Variants in CCSER1 observed in about 807,000 individuals in gnomAD.
CCSER1 encodes coiled-coil serine rich protein 1, also known as serine-rich coiled-coil domain-containing protein 1.
Under a neutral mutation model 82.0 loss-of-function variants are expected in CCSER1, and 41 were observed. That is an observed-to-expected ratio of 0.50 (90% CI 0.39 to 0.65). The LOEUF (loss-of-function observed/expected upper bound fraction) is 0.65, where lower values mean the gene tolerates loss of function less well. CCSER1 is among the 30% of genes least tolerant of loss of function. The probability of loss-of-function intolerance (pLI) is 0.00; values close to 1 mark genes in which losing one functional copy is unlikely to be tolerated. For missense variants in CCSER1, 1,119 were observed against 1,064.2 expected, an observed-to-expected ratio of 1.05 and a Z score of -0.72; for synonymous variants, 414 against 383.9, an observed-to-expected ratio of 1.08 and a Z score of -0.92.
At chr4:91,488,665 C>T (rs115077021) in intron 10 of CCSER1, among the ~76,000 whole-genome samples, 2,211 of 152,310 alleles carry the variant, frequency 0.015, 25 homozygotes, top group Non-Finnish European at 0.021. Flanking sequence ...GTGCCTGCTT[C>T]GCCTTCACCT....
intron 5 of CCSER1, among the ~76,000 whole-genome samples, chr4:90,508,174 T>C (rs1214129901): frequency 6.6e-6 from 1 of 152,080 alleles, no homozygotes; most frequent in African/African-American, 2.4e-5. Context: ...GGAAAAATTG[T>C]ACTGAAAATT....
chr4:90,351,170 G>A (rs151012824), intron 3 of CCSER1, among the ~76,000 whole-genome samples: 1 of 152,244 alleles, frequency 6.6e-6, no homozygotes, highest in Non-Finnish European at 1.5e-5. Context: ...AGGTACTAGT[G>A]CACATACAGT....
intron 10 of CCSER1, among the ~76,000 whole-genome samples, chr4:91,241,435 C>T (rs979190049): frequency 1.4e-5 from 2 of 147,002 alleles, no homozygotes; most frequent in African/African-American, 5.1e-5. Flanking sequence ...ACGCCATTCT[C>T]TTGCCTCAGC....
At chr4:91,395,241 G>A (rs912395979) in intron 10 of CCSER1, among the ~76,000 whole-genome samples, 2 of 152,004 alleles carry the variant, frequency 1.3e-5, no homozygotes, top group East Asian at 1.9e-4. Context: ...GGAGCAAAAT[G>A]TTCCTTTGAA....
In CCSER1 at chr4:90,985,135, A is replaced by C. The variant is rs115348219; in HGVS notation, c.2172+61688A>C. 4.9e-3 allele frequency among the ~76,000 whole-genome samples: 747 copies of C among 151,912 alleles called. 7 individuals carry two copies. The highest frequency in any genetic ancestry group is 0.016 in the African/African-American group (653 of 41,500). On this transcript the variant is annotated intron_variant, in intron 9 of 10. Transcript: ENST00000509176. ...TCTGGTGAGTAATATAACACCAAAA[A>C]ATTATTTTAAATATAATTTCATAAA...
chr4:90,549,123 A>T (rs1351205697), intron 5 of CCSER1, among the ~76,000 whole-genome samples: 7 of 152,170 alleles, frequency 4.6e-5, no homozygotes, highest in African/African-American at 1.7e-4. Flanking sequence ...AGCATTTTTC[A>T]CTAATCATCC....
intron 10 of CCSER1, among the ~76,000 whole-genome samples, chr4:91,163,122 G>A (rs530154643): frequency 1.3e-5 from 2 of 152,250 alleles, no homozygotes; most frequent in African/African-American, 2.4e-5. Context: ...AGAGATTCTG[G>A]TATGTTGTGT....
chr4:91,477,500 C>G (rs1228491744), intron 10 of CCSER1, among the ~76,000 whole-genome samples: 2 of 151,540 alleles, frequency 1.3e-5, no homozygotes, highest in Non-Finnish European at 3.0e-5. Context: ...TAATACTTCT[C>G]TATTTTCTGA....
chr4:90,630,593 G>A (rs534051178), intron 6 of CCSER1, among the ~76,000 whole-genome samples: 1 of 151,982 alleles, frequency 6.6e-6, no homozygotes, highest in Non-Finnish European at 1.5e-5. Flanking sequence ...GTGAGCAGAG[G>A]GTCTTTATTA....
intron 1 of CCSER1, among the ~76,000 whole-genome samples, chr4:90,137,821 T>G: frequency 6.6e-6 from 1 of 152,220 alleles, no homozygotes; most frequent in East Asian, 1.9e-4. Flanking sequence ...TAGAGTCTGC[T>G]GTTGCAGATG....
At chr4:90,665,052 T>A (rs1427509101) in intron 6 of CCSER1, among the ~76,000 whole-genome samples, 2 of 152,198 alleles carry the variant, frequency 1.3e-5, no homozygotes. Context: ...CCTTGTTTAG[T>A]GAACTTATTT....
intron 3 of CCSER1, among the ~76,000 whole-genome samples, chr4:90,337,769 A>T (rs1208569542): frequency 6.6e-6 from 1 of 152,178 alleles, no homozygotes; most frequent in Non-Finnish European, 1.5e-5. Flanking sequence ...TTCAGATAAT[A>T]GTATTTAACC....
intron 10 of CCSER1, among the ~76,000 whole-genome samples, chr4:91,568,184 C>A (rs1474191365): frequency 2.0e-5 from 3 of 151,846 alleles, no homozygotes; most frequent in Non-Finnish European, 4.4e-5. Flanking sequence ...TCAATCTCTT[C>A]TGGCTTGTAG....
At chr4:90,771,565 T>TAAAAAAAA (rs34848155) in intron 7 of CCSER1, among the ~76,000 whole-genome samples, 7 of 98,338 alleles carry the variant, frequency 7.1e-5, no homozygotes, top group African/African-American at 9.7e-5. Flanking sequence ...TGCCGGGCAC[T>TAAAAAAAA]AAAAAAAAAA....
intron 10 of CCSER1, among the ~76,000 whole-genome samples, chr4:91,217,184 G>C (rs1737312664): frequency 6.6e-6 from 1 of 152,172 alleles, no homozygotes; most frequent in Non-Finnish European, 1.5e-5. Context: ...AGAGTAAGCA[G>C]TAGCAAGAGG....
At chr4:91,174,822 C>T (rs1581708091) in intron 10 of CCSER1, among the ~76,000 whole-genome samples, 1 of 146,530 alleles carries the variant, frequency 6.8e-6, no homozygotes. Flanking sequence ...TTTTTCTTTT[C>T]TTTTTTTTTT....
chr4:91,167,151 T>C (rs1005299492), intron 10 of CCSER1, among the ~76,000 whole-genome samples: 2 of 151,446 alleles, frequency 1.3e-5, no homozygotes, highest in Non-Finnish European at 2.9e-5. Flanking sequence ...TTTGAATAAG[T>C]ATAAAAATTA....
intron 9 of CCSER1, among the ~76,000 whole-genome samples, chr4:91,010,307 G>A (rs544495510): frequency 2.0e-5 from 3 of 152,210 alleles, no homozygotes; most frequent in South Asian, 2.1e-4. Flanking sequence ...TTATGCATCC[G>A]ACTTGATGTG....
chr4:91,439,756 A>G (rs1274254906), intron 10 of CCSER1, among the ~76,000 whole-genome samples: 4 of 151,990 alleles, frequency 2.6e-5, no homozygotes, highest in Admixed American at 6.6e-5. Flanking sequence ...TCAAAATAAA[A>G]GGATGGAGGA....
Sources: allele counts gnomAD v4.1 joint callset (sites outside exome capture counted in the v4.1 genomes callset), GRCh38; gene constraint gnomAD v4.1.1; transcripts MANE v1.5; gene names NCBI Gene and HGNC (gene_info 2026-07-23, HGNC 2026-07-21).